The following LUC7L2 variants were observed in gnomAD, a reference collection of about 807,000 sequenced individuals.
The protein encoded by LUC7L2 is putative RNA-binding protein Luc7-like 2.
LUC7L2 carries 25 observed loss-of-function variants against 52.8 expected under a neutral mutation model. The observed-to-expected ratio is 0.47, with a 90% CI of 0.34 to 0.66. LUC7L2 has a LOEUF of 0.66. Ranked by LOEUF, LUC7L2 falls within the 30% of genes least tolerant of loss-of-function variation. The probability of loss-of-function intolerance (pLI) is 0.01; values close to 1 mark genes in which losing one functional copy is unlikely to be tolerated. For synonymous variants in LUC7L2, 144 were observed against 160.9 expected (o/e 0.89, Z 0.80); for missense variants, 328 against 497.8 (o/e 0.66, Z 3.25).
upstream of LUC7L2, chr7:139,359,835 A>T: frequency 2.5e-6 from 1 of 408,050 alleles, no homozygotes; most frequent in Non-Finnish European, 4.3e-6. Flanking sequence ...GGAGTGATAC[A>T]GCTGGACGCC....
intron 1 of LUC7L2, among the ~76,000 whole-genome samples, chr7:139,365,295 G>A (rs1800099430): frequency 6.6e-6 from 1 of 152,178 alleles, no homozygotes; most frequent in Non-Finnish European, 1.5e-5. Flanking sequence ...CCTCAAGTAA[G>A]CATATGCTTC....
At chr7:139,372,637 T>C (rs975881826) in intron 1 of LUC7L2, among the ~76,000 whole-genome samples, 1 of 152,170 alleles carries the variant, frequency 6.6e-6, no homozygotes, top group Non-Finnish European at 1.5e-5. Flanking sequence ...TTATAACTTA[T>C]TACTCCATTA....
At position 139,417,590 on chromosome 7, in the gene LUC7L2, C is replaced by T. The variant is rs747450312; in HGVS notation, c.862C>T (p.Arg288Cys). ...TCGATCTCGCTCCATGTCACGTGAA[C>T]GCAAGAGGAGAACTCGATCCAAATC... ...RHRSRSMSRE[R>C]KRRTRSKSRE... The change falls in exon 9 of 10, where the codon CGC becomes TGC. Residue 288 changes from arginine to cysteine, a missense_variant. This residue lies in a region of LUC7L2 where 195 missense variants were observed against 223.3 expected (regional missense o/e 0.87). Transcript: ENST00000354926. 1.2e-5 allele frequency: 20 copies of T among 1,613,974 alleles called. No individual in the cohort carries two copies. Among genetic ancestry groups the T allele is most frequent in the South Asian group, 2.2e-5 (2 of 91,070 alleles).
At chr7:139,376,782 T>C (rs1800733597) in intron 2 of LUC7L2, among the ~76,000 whole-genome samples, 1 of 152,214 alleles carries the variant, frequency 6.6e-6, no homozygotes, top group Admixed American at 6.5e-5. Flanking sequence ...TTGGTTGAAA[T>C]GATTACAAGT....
chr7:139,419,122 A>C (rs10230398), intron 9 of LUC7L2, among the ~76,000 whole-genome samples: 57,758 of 151,042 alleles, frequency 0.38, 15,381 homozygotes, highest in African/African-American at 0.76. Context: ...AAAACAAAAA[A>C]AAACAAACAA....
At chr7:139,393,930 G>A (rs985068166) in intron 2 of LUC7L2, among the ~76,000 whole-genome samples, 6 of 152,080 alleles carry the variant, frequency 3.9e-5, no homozygotes, top group East Asian at 1.9e-4. Context: ...ATACAAAAAA[G>A]CCTTCTTTAT....
At chr7:139,361,229 A>G (rs937042938) in intron 1 of LUC7L2, among the ~76,000 whole-genome samples, 4 of 152,238 alleles carry the variant, frequency 2.6e-5, no homozygotes, top group Non-Finnish European at 4.4e-5. Context: ...ATACATTCAA[A>G]TATGTAGGAA....
intron 2 of LUC7L2, among the ~76,000 whole-genome samples, chr7:139,389,949 C>T (rs962201037): frequency 7.2e-5 from 11 of 152,154 alleles, no homozygotes; most frequent in Non-Finnish European, 1.5e-4. Flanking sequence ...GGCAGGATCA[C>T]TTGAGGCCAG....
At chr7:139,420,775 G>C (rs1032973303) in intron 9 of LUC7L2, among the ~76,000 whole-genome samples, 4 of 151,852 alleles carry the variant, frequency 2.6e-5, no homozygotes, top group South Asian at 4.2e-4. Context: ...TAGTGTAGAC[G>C]TGGAATCACT....
chr7:139,385,784 C>G (rs926037729), intron 2 of LUC7L2, among the ~76,000 whole-genome samples: 1 of 152,088 alleles, frequency 6.6e-6, no homozygotes, highest in South Asian at 2.1e-4. Context: ...TCAATAAATG[C>G]TTTTTCCCTA....
chr7:139,347,552 A>G (rs948079977), intron 1 of LUC7L2, among the ~76,000 whole-genome samples: 1 of 151,130 alleles, frequency 6.6e-6, no homozygotes, highest in South Asian at 2.1e-4. Context: ...GCACCATTGC[A>G]CTCCAGCCTG....
At chr7:139,415,847 G>T (rs558112041) in intron 8 of LUC7L2, among the ~76,000 whole-genome samples, 1 of 151,528 alleles carries the variant, frequency 6.6e-6, no homozygotes, top group African/African-American at 2.4e-5. Context: ...TCCATGTCAT[G>T]TACCTTTCTT....
chr7:139,369,172 T>C (rs1371877073), intron 1 of LUC7L2, among the ~76,000 whole-genome samples: 1 of 152,212 alleles, frequency 6.6e-6, no homozygotes, highest in African/African-American at 2.4e-5. Context: ...TCTAATTTTG[T>C]ATATAGAAAG....
chr7:139,366,085 G>A (rs1422710342), intron 1 of LUC7L2, among the ~76,000 whole-genome samples: 3 of 152,188 alleles, frequency 2.0e-5, no homozygotes, highest in Admixed American at 1.3e-4. Flanking sequence ...ACTTTGAGAA[G>A]TCAAAGCCGT....
At chr7:139,421,585 A>G (rs1795906188) in intron 9 of LUC7L2, among the ~76,000 whole-genome samples, 1 of 152,200 alleles carries the variant, frequency 6.6e-6, no homozygotes, top group East Asian at 1.9e-4. Flanking sequence ...GTAGATTTTT[A>G]GAAGTGGTTA....
At position 139,376,059 on chromosome 7, in the gene LUC7L2, C is replaced by T; in HGVS notation, c.62-3C>T. 6.2e-7 allele frequency: 1 copy of T among 1,613,494 alleles called. No individual in the cohort carries two copies. The highest frequency in any genetic ancestry group is 8.5e-7 in the Non-Finnish European group (1 of 1,179,756). ...GAATGTTATTAACTCTTCTATATTA[C>T]AGGAGATACAACTCGTCAACGAATC... On this transcript the variant is annotated splice_region_variant and splice_polypyrimidine_tract_variant and intron_variant, in intron 1 of 9. Coordinates refer to ENST00000354926, the MANE Select transcript of LUC7L2 (RefSeq NM_016019.5).
intron 9 of LUC7L2, 118 bp from the exon 10 acceptor site, chr7:139,422,036 ACTCCTCTGT>A: frequency 7.3e-7 from 1 of 1,378,888 alleles, no homozygotes; most frequent in Non-Finnish European, 9.5e-7. Flanking sequence ...CAGAAAACTG[ACTCCTCTGT>A]CATGGGTATA....
chr7:139,382,125 T>C (rs11770567), intron 2 of LUC7L2, among the ~76,000 whole-genome samples: 58,171 of 151,214 alleles, frequency 0.38, 15,580 homozygotes, highest in African/African-American at 0.77. Flanking sequence ...CTCCTGACCT[T>C]GTGACCCGCC....
Position 139,381,867 on chromosome 7 carries a change from C to T in LUC7L2, c.156+5711C>T, listed in dbSNP as rs529439257. Among the ~76,000 whole-genome samples, 8 of 142,728 alleles carry T rather than the reference C, an allele frequency of 5.6e-5. No individual in the cohort carries two copies. In the East Asian group the frequency reaches 6.1e-4, roughly 11 times the overall value. 93.6% of individuals were successfully genotyped at this position (142,728 alleles called of 152,430 possible). ...CTGGGATTACAGGCATGAGCCACTG[C>T]GCCTGGCCTAATTTTTTTTTTTTTT... On this transcript the variant is annotated intron_variant, in intron 2 of 9. Coordinates refer to ENST00000354926, the MANE Select transcript of LUC7L2 (RefSeq NM_016019.5).
Sources: gnomAD v4.1 joint callset for allele counts (sites outside exome capture counted in the v4.1 genomes callset) on GRCh38, gnomAD v4.1.1 for gene constraint, gnomAD v4.1.1 regional missense constraint, MANE v1.5 for transcripts, NCBI Gene and HGNC (gene_info 2026-07-23, HGNC 2026-07-21) for gene names.